ANKRD30BL: variants seen among roughly 807,000 people sequenced by gnomAD.
ANKRD30BL encodes ankyrin repeat domain 30B like.
A neutral mutation model predicts 18.4 loss-of-function variants in ANKRD30BL; 20 were observed. That is an observed-to-expected ratio of 1.09 (90% CI 0.77 to 1.58). ANKRD30BL has a LOEUF of 1.58. ANKRD30BL is among the 40% of genes most tolerant of loss of function. The pLI, the probability that ANKRD30BL is intolerant of heterozygous loss-of-function variation, is 0.00. For synonymous variants in ANKRD30BL, 72 were observed against 100.9 expected (o/e 0.71, Z 1.72); for missense variants, 224 against 268.6 (o/e 0.83, Z 1.16).
intron 1 of ANKRD30BL, among the ~76,000 whole-genome samples, chr2:132,256,420 C>G (rs78078432): frequency 5.9e-5 from 9 of 152,192 alleles, no homozygotes; most frequent in Admixed American, 6.5e-5. Flanking sequence ...GCGAGGAGGC[C>G]GACCGCCCGA....
At chr2:132,236,634 G>A (rs990233014) in intron 1 of ANKRD30BL, among the ~76,000 whole-genome samples, 15 of 152,142 alleles carry the variant, frequency 9.9e-5, no homozygotes, top group African/African-American at 3.6e-4. Context: ...AACACATGCT[G>A]GAGACGATGT....
chr2:132,148,618 C>G (rs979167868), intron 5 of ANKRD30BL, among the ~76,000 whole-genome samples: 17 of 151,184 alleles, frequency 1.1e-4, no homozygotes, highest in African/African-American at 4.1e-4. Flanking sequence ...AATCCGCCCG[C>G]TTTGGCCTTC....
At chr2:132,232,832 G>C (rs561624649) in intron 1 of ANKRD30BL, among the ~76,000 whole-genome samples, 2 of 152,046 alleles carry the variant, frequency 1.3e-5, no homozygotes, top group East Asian at 3.9e-4. Flanking sequence ...GAAATACAGA[G>C]AATGCCACAA....
chr2:132,210,682 T>C (rs1679322469), intron 1 of ANKRD30BL, among the ~76,000 whole-genome samples: 1 of 151,786 alleles, frequency 6.6e-6, no homozygotes, highest in Non-Finnish European at 1.5e-5. Flanking sequence ...TTGGAGGGCT[T>C]CAAGACCTAT....
intron 1 of ANKRD30BL, among the ~76,000 whole-genome samples, chr2:132,205,142 ATAAGGTATGCAGAATTTTC>A (rs1180021604): frequency 2.0e-4 from 31 of 152,304 alleles, no homozygotes; most frequent in Non-Finnish European, 5.9e-5. Flanking sequence ...ATTCTGAAGT[ATAAGGTATGCAGAATTTTC>A]TAAGCGTATC....
At chr2:132,249,121 T>C (rs1328560498) in intron 1 of ANKRD30BL, among the ~76,000 whole-genome samples, 2 of 152,160 alleles carry the variant, frequency 1.3e-5, no homozygotes, top group Non-Finnish European at 2.9e-5. Flanking sequence ...AGTTTTTATG[T>C]GAAGATATTT....
chr2:132,231,464 G>A (rs144502116), intron 1 of ANKRD30BL, among the ~76,000 whole-genome samples: 5,901 of 152,248 alleles, frequency 0.039, 403 homozygotes, highest in African/African-American at 0.13. Context: ...GACAGTGGGC[G>A]CAGGTCAGTG....
rs933791627 is a variant in ANKRD30BL, at chr2:132,147,845, C to G, written c.*286G>C. ...TTCAGCGGGAAAGACAGTTACAGAGCAGGTGTCTAAGGATGACTAAGGACA... is the reference window on the plus strand; with the variant it reads ...TTCAGCGGGAAAGACAGTTACAGAGGAGGTGTCTAAGGATGACTAAGGACA... On this transcript the variant is annotated 3_prime_UTR_variant, in exon 6 of 6. Coordinates refer to ENST00000409867, the MANE Select transcript of ANKRD30BL (RefSeq NM_001358416.1). 1.4e-5 allele frequency: 5 copies of G among 365,762 alleles called. No individual in the cohort carries two copies. The highest frequency in any genetic ancestry group is 2.1e-5 in the Non-Finnish European group (4 of 192,122). The allele number at this position is 365,762 out of a possible 1,614,324, so 22.7% of individuals were successfully genotyped here. A position where few individuals can be genotyped will look rare whatever the true frequency, so the allele number is the denominator to read the frequency against.
intron 1 of ANKRD30BL, chr2:132,253,060 C>T: frequency 6.4e-6 from 1 of 155,798 alleles, no homozygotes; most frequent in South Asian, 1.7e-4. Context: ...CCGGTCTACA[C>T]TTGGGGGGAC....
At chr2:132,192,880 C>A (rs1279680495) in intron 1 of ANKRD30BL, among the ~76,000 whole-genome samples, 1 of 152,224 alleles carries the variant, frequency 6.6e-6, no homozygotes, top group Non-Finnish European at 1.5e-5. Flanking sequence ...ATCTACTTTA[C>A]ATAGAAGAAA....
At chr2:132,181,914 C>G (rs1446350618) in intron 1 of ANKRD30BL, among the ~76,000 whole-genome samples, 1 of 151,980 alleles carries the variant, frequency 6.6e-6, no homozygotes. Context: ...GAGTTTGAGA[C>G]CAGCCTGACC....
At chr2:132,198,891 T>G (rs1679035379) in intron 1 of ANKRD30BL, among the ~76,000 whole-genome samples, 1 of 152,136 alleles carries the variant, frequency 6.6e-6, no homozygotes, top group South Asian at 2.1e-4. Flanking sequence ...GTACTGGAAT[T>G]ACAGGCATGA....
At chr2:132,256,771 C>G (rs76044213) in intron 1 of ANKRD30BL, among the ~76,000 whole-genome samples, 9 of 152,254 alleles carry the variant, frequency 5.9e-5, no homozygotes, top group Non-Finnish European at 1.2e-4. Flanking sequence ...ACACGGACAA[C>G]GGGCCAACCA....
At chr2:132,232,688 A>G (rs1018604273) in intron 1 of ANKRD30BL, among the ~76,000 whole-genome samples, 1 of 152,196 alleles carries the variant, frequency 6.6e-6, no homozygotes, top group Non-Finnish European at 1.5e-5. Context: ...GACTATGTGA[A>G]AAGACCAAAT....
At chr2:132,177,670 T>G (rs1688388427) in intron 1 of ANKRD30BL, among the ~76,000 whole-genome samples, 1 of 152,176 alleles carries the variant, frequency 6.6e-6, no homozygotes, top group Admixed American at 6.5e-5. Flanking sequence ...AGTAAGGAAT[T>G]GTTGAAAGAA....
At chr2:132,201,774 C>T (rs1164204747) in intron 1 of ANKRD30BL, among the ~76,000 whole-genome samples, 2 of 152,180 alleles carry the variant, frequency 1.3e-5, no homozygotes, top group South Asian at 2.1e-4. Context: ...CCATTTGACC[C>T]AGCCATCCCA....
At chr2:132,217,189 G>A (rs529216744) in intron 1 of ANKRD30BL, among the ~76,000 whole-genome samples, 255 of 152,198 alleles carry the variant, frequency 1.7e-3, no homozygotes, top group African/African-American at 5.8e-3. Context: ...GAGCAGTTTT[G>A]AAACACTCTT....
intron 1 of ANKRD30BL, among the ~76,000 whole-genome samples, chr2:132,221,599 G>C (rs1679686384): frequency 7.7e-6 from 1 of 130,206 alleles, no homozygotes; most frequent in Non-Finnish European, 1.6e-5. Flanking sequence ...GAGGTGGGGG[G>C]ATCAGCCCCC....
chr2:132,194,167 C>T (rs1193470233), intron 1 of ANKRD30BL, among the ~76,000 whole-genome samples: 1 of 152,044 alleles, frequency 6.6e-6, no homozygotes, highest in Non-Finnish European at 1.5e-5. Context: ...GTTCTGAGAC[C>T]AACTGCTATA....
Sources: allele counts gnomAD v4.1 joint callset (sites outside exome capture counted in the v4.1 genomes callset), GRCh38; gene constraint gnomAD v4.1.1; transcripts MANE v1.5; gene names NCBI Gene and HGNC (gene_info 2026-07-23, HGNC 2026-07-21).